The following TTLL5 variants were observed in gnomAD, a reference collection of about 807,000 sequenced individuals.
The protein encoded by TTLL5 is tubulin polyglutamylase TTLL5.
A neutral mutation model predicts 168.4 loss-of-function variants in TTLL5; 132 were observed. The ratio of observed to expected loss-of-function variants is 0.78; its 90% confidence interval spans 0.68 to 0.91. The LOEUF is 0.91. Ranked by LOEUF, TTLL5 falls within the 40% of genes least tolerant of loss-of-function variation. TTLL5 has a pLI of 0.00. For missense variants in TTLL5, 1,545 were observed against 1,581.5 expected, an observed-to-expected ratio of 0.98 and a Z score of 0.39; for synonymous variants, 546 against 558.6, an observed-to-expected ratio of 0.98 and a Z score of 0.32.
intron 28 of TTLL5, among the ~76,000 whole-genome samples, chr14:75,826,892 A>G (rs1895180614): frequency 6.6e-6 from 1 of 151,784 alleles, no homozygotes; most frequent in Non-Finnish European, 1.5e-5. Flanking sequence ...ATTTAGAAGG[A>G]AAACCAGCCA....
chr14:75,898,168 T>C (rs1188940985), intron 30 of TTLL5, among the ~76,000 whole-genome samples: 1 of 152,212 alleles, frequency 6.6e-6, no homozygotes. Context: ...CATATTTAAC[T>C]TTATACATTC....
chr14:75,950,252 G>A (rs763901425), intron 31 of TTLL5, among the ~76,000 whole-genome samples: 8 of 152,186 alleles, frequency 5.3e-5, no homozygotes, highest in Non-Finnish European at 1.2e-4. Context: ...GCTTCGAACT[G>A]TACACAACTT....
intron 12 of TTLL5, among the ~76,000 whole-genome samples, chr14:75,728,808 G>A (rs143275873): frequency 0.012 from 1,886 of 152,198 alleles, 16 homozygotes; most frequent in South Asian, 0.025. Context: ...GAATATCTGG[G>A]TAGAAGAGAA....
At chr14:75,750,448 C>A (rs1889878246) in intron 17 of TTLL5, among the ~76,000 whole-genome samples, 1 of 149,990 alleles carries the variant, frequency 6.7e-6, no homozygotes, top group African/African-American at 2.5e-5. Context: ...TCTCTTCTAC[C>A]TCTGCCACCC....
At chr14:75,908,898 T>G (rs1257214751) in intron 31 of TTLL5, among the ~76,000 whole-genome samples, 1 of 152,094 alleles carries the variant, frequency 6.6e-6, no homozygotes, top group African/African-American at 2.4e-5. Context: ...CACCTCAGCC[T>G]CCTGAGTAGC....
chr14:75,929,299 G>C (rs886488883), intron 31 of TTLL5, among the ~76,000 whole-genome samples: 3 of 151,900 alleles, frequency 2.0e-5, no homozygotes, highest in African/African-American at 7.3e-5. Flanking sequence ...TTGGTCTCAG[G>C]GTCCTCATGG....
At chr14:75,748,010 GT>G (rs1889716085) in intron 17 of TTLL5, among the ~76,000 whole-genome samples, 1 of 152,230 alleles carries the variant, frequency 6.6e-6, no homozygotes, top group African/African-American at 2.4e-5. Context: ...TTCAGAGACA[GT>G]TGGGCTCTAT....
intron 13 of TTLL5, among the ~76,000 whole-genome samples, chr14:75,732,827 T>C (rs1888629703): frequency 6.6e-6 from 1 of 152,218 alleles, no homozygotes; most frequent in Non-Finnish European, 1.5e-5. Context: ...GCCATGTGGA[T>C]AATATGTGGT....
chr14:75,695,843 C>A (rs1318870954), intron 6 of TTLL5, among the ~76,000 whole-genome samples: 2 of 125,830 alleles, frequency 1.6e-5, no homozygotes, highest in African/African-American at 3.0e-5. Context: ...CTCCCACTTC[C>A]CTCCCCTACC....
chr14:75,729,278 A>G (rs990621791), intron 12 of TTLL5, among the ~76,000 whole-genome samples: 21 of 152,316 alleles, frequency 1.4e-4, no homozygotes, highest in African/African-American at 5.1e-4. Context: ...GCACCCATTC[A>G]TGACAGGAAA....
chr14:75,886,168 A>C (rs1324051171), intron 30 of TTLL5, among the ~76,000 whole-genome samples: 1 of 152,220 alleles, frequency 6.6e-6, no homozygotes, highest in African/African-American at 2.4e-5. Context: ...TCTAGCACAG[A>C]AGTTGGCATT....
chr14:75,788,078 G>A (rs1435540587), intron 26 of TTLL5, among the ~76,000 whole-genome samples: 4 of 152,078 alleles, frequency 2.6e-5, no homozygotes, highest in Non-Finnish European at 2.9e-5. Context: ...TTGAGCGCAG[G>A]AGTTCGAGAC....
chr14:75,736,788 T>C (rs1425070821), intron 15 of TTLL5, among the ~76,000 whole-genome samples: 1 of 152,220 alleles, frequency 6.6e-6, no homozygotes. Flanking sequence ...GAACAGGGTG[T>C]ACTGTATTTT....
chr14:75,710,373 G>C (rs1886980732), intron 9 of TTLL5: 1 of 148,596 alleles, frequency 6.7e-6, no homozygotes, highest in Non-Finnish European at 1.5e-5. Flanking sequence ...TAACCCTTTT[G>C]CTTCCAGCAG....
chr14:75,661,820 T>A (rs1447948850), intron 1 of TTLL5, among the ~76,000 whole-genome samples: 1 of 152,202 alleles, frequency 6.6e-6, no homozygotes, highest in African/African-American at 2.4e-5. Context: ...ATTGAAGTTG[T>A]TAGACATTGC....
At chr14:75,818,795 G>A (rs777520907) in intron 27 of TTLL5, among the ~76,000 whole-genome samples, 11 of 151,790 alleles carry the variant, frequency 7.2e-5, no homozygotes, top group Middle Eastern at 3.4e-3. Context: ...CACCACGCCC[G>A]GACTATTTTT....
intron 21 of TTLL5, among the ~76,000 whole-genome samples, chr14:75,772,574 A>G (rs963309029): frequency 3.3e-5 from 5 of 152,112 alleles, no homozygotes; most frequent in African/African-American, 1.2e-4. Context: ...TCAGTATTCT[A>G]GGACAGTTTT....
chr14:75,666,969 G>C (rs1266133136), intron 2 of TTLL5, among the ~76,000 whole-genome samples: 1 of 152,086 alleles, frequency 6.6e-6, no homozygotes, highest in Admixed American at 6.5e-5. Context: ...AGAATATAAA[G>C]TCCCAATTTT....
At chr14:75,762,330 G>GGTTGCA (rs1430802622) in intron 18 of TTLL5, among the ~76,000 whole-genome samples, 3 of 152,184 alleles carry the variant, frequency 2.0e-5, no homozygotes, top group African/African-American at 7.2e-5. Context: ...AGGAGGCAGA[G>GGTTGCA]GTTGCAGTGA....
Sources: gnomAD v4.1 joint callset for allele counts (sites outside exome capture counted in the v4.1 genomes callset) on GRCh38, gnomAD v4.1.1 for gene constraint, MANE v1.5 for transcripts, NCBI Gene and HGNC (gene_info 2026-07-23, HGNC 2026-07-21) for gene names.